ZNF469: variants seen among roughly 807,000 people sequenced by gnomAD.
ZNF469 encodes the protein zinc finger protein 469.
ZNF469 carries 1 observed loss-of-function variant against 1.0 expected under a neutral mutation model. The observed-to-expected ratio is 1.00, with a 90% CI of 0.35 to 4.73. The LOEUF is 4.73. Among genes scored for constraint, ZNF469 ranks in the 30% most tolerant of loss-of-function variants. The probability of loss-of-function intolerance (pLI) is 0.16; values close to 1 mark genes in which losing one functional copy is unlikely to be tolerated. For synonymous variants in ZNF469, 2,703 were observed against 2,363.4 expected, an observed-to-expected ratio of 1.14 and a Z score of -4.17; for missense variants, 6,100 against 5,356.3, an observed-to-expected ratio of 1.14 and a Z score of -4.33.
the ZNF469 span, among the ~76,000 whole-genome samples, chr16:88,369,922 C>G: frequency 6.6e-6 from 1 of 152,262 alleles, no homozygotes; most frequent in Non-Finnish European, 1.5e-5. Flanking sequence ...GGACCCACCT[C>G]CCTGAGCACA....
chr16:88,140,338 C>G, the ZNF469 span, among the ~76,000 whole-genome samples: 1 of 149,062 alleles, frequency 6.7e-6, no homozygotes, highest in East Asian at 2.0e-4. Context: ...GAGGGTAGCA[C>G]GGAGGAAAGG....
chr16:88,374,962 A>C, the ZNF469 span, among the ~76,000 whole-genome samples: 3 of 152,234 alleles, frequency 2.0e-5, no homozygotes, highest in East Asian at 3.9e-4. Context: ...GAATCTACGC[A>C]CAAGGCTCCG....
At chr16:88,425,987 G>GCCTGTA (rs1905681430) in intron 2 of ZNF469, among the ~76,000 whole-genome samples, 2 of 152,252 alleles carry the variant, frequency 1.3e-5, no homozygotes, top group Non-Finnish European at 2.9e-5. Flanking sequence ...GGAAGAGCCA[G>GCCTGTA]CCGGAAGTAC....
chr16:88,437,656 C>A lies in ZNF469; in HGVS notation c.10186C>A (p.Leu3396Met). The change falls in exon 3 of 3, where the codon CTG becomes ATG. Residue 3396 changes from leucine (L) to methionine (M), a missense_variant. Leu to Met is a conservative substitution (Grantham distance 15). Coordinates refer to ENST00000565624, the MANE Select transcript of ZNF469 (RefSeq NM_001367624.2). ...GCACGGGCTGCTGGAGCGGCCGGAG[C>A]TGCAGCACACGCCGCTGTATGCCTG... Reference protein sequence around the residue: ...GAHGLLERPELQHTPLYACEL... With the variant: ...GAHGLLERPEMQHTPLYACEL... The A allele has an allele frequency of 6.5e-7, 1 of 1,546,674 alleles. No individual in the cohort carries two copies. Among genetic ancestry groups the A allele is most frequent in the Non-Finnish European group, 8.7e-7 (1 of 1,144,354 alleles).
chr16:88,159,400 C>T, the ZNF469 span, among the ~76,000 whole-genome samples: 3 of 152,126 alleles, frequency 2.0e-5, no homozygotes, highest in African/African-American at 7.2e-5. Flanking sequence ...CCACGGCTCA[C>T]GGGTCCATCT....
intron 1 of ZNF469, among the ~76,000 whole-genome samples, chr16:88,404,649 T>C (rs938030488): frequency 6.6e-6 from 1 of 151,904 alleles, no homozygotes; most frequent in Non-Finnish European, 1.5e-5. Flanking sequence ...TGCAAATGAG[T>C]GCATGTGCTG....
At chr16:88,210,953 T>C in the ZNF469 span, among the ~76,000 whole-genome samples, 1 of 152,188 alleles carries the variant, frequency 6.6e-6, no homozygotes, top group Non-Finnish European at 1.5e-5. Context: ...AGCTCATTGG[T>C]ATTGGGCGGG....
the ZNF469 span, among the ~76,000 whole-genome samples, chr16:88,268,747 C>T: frequency 6.6e-6 from 1 of 152,192 alleles, no homozygotes; most frequent in Non-Finnish European, 1.5e-5. Context: ...TAAGCCCGGG[C>T]CACCATAACA....
chr16:88,369,599 A>G, the ZNF469 span, among the ~76,000 whole-genome samples: 1 of 152,228 alleles, frequency 6.6e-6, no homozygotes, highest in Non-Finnish European at 1.5e-5. Context: ...AACTTCAGGC[A>G]GGATGCTAAT....
At chr16:88,358,036 A>G in the ZNF469 span, among the ~76,000 whole-genome samples, 2 of 152,192 alleles carry the variant, frequency 1.3e-5, no homozygotes, top group African/African-American at 4.8e-5. Flanking sequence ...GGTCACATGG[A>G]CACGCGGGGG....
At chr16:88,270,356 C>T in the ZNF469 span, among the ~76,000 whole-genome samples, 3 of 152,186 alleles carry the variant, frequency 2.0e-5, no homozygotes, top group African/African-American at 4.8e-5. Context: ...CTTTCAGCAC[C>T]GTGGGCTGAT....
chr16:88,185,695 G>A, the ZNF469 span, among the ~76,000 whole-genome samples: 8 of 105,448 alleles, frequency 7.6e-5, no homozygotes, highest in South Asian at 3.2e-4. Context: ...AGACACATTC[G>A]CACACTCACA....
the ZNF469 span, among the ~76,000 whole-genome samples, chr16:88,180,626 T>C: frequency 6.6e-6 from 1 of 152,122 alleles, no homozygotes; most frequent in Admixed American, 6.5e-5. Flanking sequence ...ATAAAAAAAT[T>C]AGCCGGGCGT....
the ZNF469 span, among the ~76,000 whole-genome samples, chr16:88,170,577 C>A: frequency 1.3e-5 from 2 of 152,160 alleles, no homozygotes; most frequent in African/African-American, 4.8e-5. This position sits in a 1 kb window ranked among gnomAD's most constrained non-coding sequence, Gnocchi z 4.2. Flanking sequence ...GGCATGACGT[C>A]CTCCAGCCTC....
the ZNF469 span, among the ~76,000 whole-genome samples, chr16:88,188,408 C>T: frequency 7.9e-5 from 12 of 152,314 alleles, no homozygotes; most frequent in East Asian, 2.3e-3. Context: ...TGGACTGCTG[C>T]CTGGAGGGTT....
chr16:88,123,357 C>A, the ZNF469 span, among the ~76,000 whole-genome samples: 1 of 152,154 alleles, frequency 6.6e-6, no homozygotes, highest in Non-Finnish European at 1.5e-5. Flanking sequence ...TATTGTTGAG[C>A]AGTGCTTCAT....
At chr16:88,406,500 A>C (rs1905033123) in intron 1 of ZNF469, among the ~76,000 whole-genome samples, 3 of 152,228 alleles carry the variant, frequency 2.0e-5, no homozygotes, top group Admixed American at 1.3e-4. Flanking sequence ...TGCCGCCTGC[A>C]GCTCAGCAGA....
At position 88,430,111 on chromosome 16, in the gene ZNF469, T is replaced by A; in HGVS notation, c.2641T>A (p.Ser881Thr). The part of the protein sequence containing the change: ...EEPSGPRGPS[S>T]GHPLKSKAGV... ...GCCTTCCGGCCCCAGAGGTCCCAGC[T>A]CCGGACACCCCCTTAAGAGCAAGGC... Residue 881 changes from serine (S) to threonine (T), a missense_variant, in exon 3 of 3, where the codon TCC becomes ACC. Transcript: ENST00000565624. 1 of 1,545,808 alleles carries A rather than the reference T, an allele frequency of 6.5e-7. No individual in the cohort carries two copies. Among genetic ancestry groups the A allele is most frequent in the Non-Finnish European group, 8.7e-7 (1 of 1,146,910 alleles).
chr16:88,344,297 T>C, the ZNF469 span, among the ~76,000 whole-genome samples: 1 of 152,094 alleles, frequency 6.6e-6, no homozygotes, highest in Non-Finnish European at 1.5e-5. Context: ...CTTCAGTTCA[T>C]ACCAACGTGT....
Sources: allele counts gnomAD v4.1 joint callset (sites outside exome capture counted in the v4.1 genomes callset), GRCh38; gene constraint gnomAD v4.1.1; non-coding constraint Gnocchi (gnomAD v3.1); transcripts MANE v1.5; gene names NCBI Gene and HGNC (gene_info 2026-07-23, HGNC 2026-07-21).